Variants in MSH6 observed in about 807,000 individuals in gnomAD.
MSH6 encodes DNA mismatch repair protein Msh6.
In MSH6, 85 loss-of-function variants were observed where a neutral mutation model predicts 119.1. The ratio of observed to expected loss-of-function variants is 0.71; its 90% CI spans 0.60 to 0.85. MSH6 has a LOEUF of 0.85. Among genes scored for constraint, MSH6 ranks in the 40% least tolerant of loss-of-function variants. The probability of loss-of-function intolerance (pLI) is 0.00; values close to 1 mark genes in which losing one functional copy is unlikely to be tolerated. For synonymous variants in MSH6, 830 were observed against 586.9 expected, an observed-to-expected ratio of 1.41 and a Z score of -5.99; for missense variants, 2,163 against 1,655.3, an observed-to-expected ratio of 1.31 and a Z score of -5.32.
At chr2:47,788,024 A>C (rs557414598) in intron 1 of MSH6, among the ~76,000 whole-genome samples, 137 of 152,284 alleles carry the variant, frequency 9.0e-4, no homozygotes, top group Non-Finnish European at 1.7e-3. Context: ...AGTGAAGAAA[A>C]ATTTTGAGAA....
chr2:47,789,311 CAA>C (rs1668581681), intron 1 of MSH6: 3 of 381,122 alleles, frequency 7.9e-6, no homozygotes, highest in Non-Finnish European at 1.6e-5. Context: ...TGTTGAAAAA[CAA>C]AATTTTTTGT....
chr2:47,798,861 C>G lies in MSH6; in HGVS notation c.878C>G (p.Pro293Arg), dbSNP rs1553412308. Residue 293 changes from proline to arginine, a missense_variant, in exon 4 of 10, where the codon CCT (proline) becomes CGT (arginine). By Grantham distance (103) the Pro-to-Arg change is moderately radical. Coordinates refer to ENST00000234420, the MANE Select transcript of MSH6 (RefSeq NM_000179.3). ...GDSESEGLNS[P>R]VKVARKRKRM... is the part of the protein sequence containing the mutation. ...AGTGAGAGTGAAGGCCTGAACAGCC[C>G]TGTCAAAGTTGCTCGAAAGCGGAAG... 6.2e-7 allele frequency: 1 copy of G among 1,614,132 alleles called. No individual in the cohort carries two copies. The highest frequency in any genetic ancestry group is 1.1e-5 in the South Asian group (1 of 91,086).
chr2:47,792,468 A>G (rs1308852299), intron 2 of MSH6, among the ~76,000 whole-genome samples: 4 of 152,226 alleles, frequency 2.6e-5, no homozygotes, highest in Non-Finnish European at 2.9e-5. Context: ...TCTTCTACCA[A>G]CTTGCCACAT....
At position 47,805,693 on chromosome 2, in the gene MSH6, T is replaced by C. The variant is rs864622041; in HGVS notation, c.3632T>C (p.Leu1211Pro). The C allele has an allele frequency of 6.2e-7, 1 of 1,610,938 alleles. No individual in the cohort carries two copies. The highest frequency in any genetic ancestry group is 8.5e-7 in the Non-Finnish European group (1 of 1,177,350). The stretch of plus-strand genomic sequence containing the variant: ...CATGCAACAGCACATTCTCTGGTGC[T>C]TGTGGATGAATTAGGTAAGACATTA... ...LMHATAHSLV[L>P]VDELGRGTAT... Residue 1211 changes from leucine to proline, a missense_variant, in exon 7 of 10, where the codon CTT (leucine) becomes CCT (proline). Transcript: ENST00000234420.
chr2:47,783,585 G>T, intron 1 of MSH6, 92 bp downstream of exon 1: 1 of 1,286,534 alleles, frequency 7.8e-7, no homozygotes, highest in Non-Finnish European at 1.0e-6. Flanking sequence ...GGTTGGGGGG[G>T]TGCACGGCCT....
In MSH6 at chr2:47,795,914, C is replaced by T. The variant is rs1114167692; in HGVS notation, c.478C>T (p.Gln160Ter). ...PYTGSKSKEA[Q>*]KGGHFYSAKP... ...TCTAGGTTCAAAATCAAAGGAAGCC[C>T]AGAAGGGAGGTCATTTTTACAGTGC... Residue 160 changes from glutamine (Q) to a stop codon, truncating the protein, a stop_gained, in exon 3 of 10, where the codon CAG becomes TAG. Transcript: ENST00000234420. LOFTEE classifies it high-confidence loss of function. The T allele has an allele frequency of 6.2e-7, 1 of 1,614,008 alleles. No individual in the cohort carries two copies.
chr2:47,793,344 A>T (rs1403872781), intron 2 of MSH6, among the ~76,000 whole-genome samples: 1 of 146,586 alleles, frequency 6.8e-6, no homozygotes, highest in Admixed American at 6.8e-5. Context: ...AAAAAAAAAA[A>T]AAAGGCTGGG....
Position 47,800,137 on chromosome 2 carries a change from C to A in MSH6, c.2154C>A (p.Ser718Arg), listed in dbSNP as rs771662801. 1 of 1,614,124 alleles carries A rather than the reference C, an allele frequency of 6.2e-7. No homozygotes were observed. The change falls in exon 4 of 10, where the codon AGC becomes AGA. Residue 718 changes from serine to arginine, a missense_variant. Physicochemically the swap from Ser to Arg is moderately radical, Grantham distance 110. Coordinates refer to ENST00000234420, the MANE Select transcript of MSH6 (RefSeq NM_000179.3). ...TTCCCTTGGATTCTGACACAGTCAG[C>A]ACTACAAGATCTGGTGCTATCTTCA... is the stretch of plus-strand genomic sequence containing the variant. ...EYIPLDSDTV[S>R]TTRSGAIFTK...
chr2:47,791,275 G>A, intron 2 of MSH6, 152 bp downstream of exon 2: 1 of 713,156 alleles, frequency 1.4e-6, no homozygotes, highest in Non-Finnish European at 2.4e-6. Flanking sequence ...AAAGCTTCTG[G>A]CATGGGAAAG....
At chr2:47,791,332 T>C (rs562408491) in intron 2 of MSH6, among the ~76,000 whole-genome samples, 18 of 152,334 alleles carry the variant, frequency 1.2e-4, no homozygotes, top group African/African-American at 3.8e-4. Flanking sequence ...AATGGAATTT[T>C]TATTTCTGTC....
chr2:47,806,771 A>AAACTTTTTTTTTTTT lies in MSH6; in HGVS notation c.4002-8_4002-7insAACTTTTTTTTTTTT, dbSNP rs1553333915. ...AAAAACTTTTTTTTTTTTTTTTTTA[A>AAACTTTTTTTTTTTT]TTTTAAGGGAAGTTTGCCTGGCTAG... On this transcript the variant is annotated splice_region_variant and splice_polypyrimidine_tract_variant and intron_variant, in intron 9 of 9. Coordinates refer to ENST00000234420, the MANE Select transcript of MSH6 (RefSeq NM_000179.3). 1 of 1,514,318 alleles carries AAACTTTTTTTTTTTT rather than the reference A, an allele frequency of 6.6e-7. No individual in the cohort carries two copies. Among genetic ancestry groups the AAACTTTTTTTTTTTT allele is most frequent in the Non-Finnish European group, 8.8e-7 (1 of 1,130,100 alleles). 93.8% of individuals were successfully genotyped at this position (1,514,318 alleles called of 1,614,324 possible).
intron 1 of MSH6, chr2:47,784,219 G>A: frequency 1.0e-6 from 1 of 1,003,202 alleles, no homozygotes; most frequent in Non-Finnish European, 1.2e-6. Flanking sequence ...CGAAGTGCTG[G>A]GATCCGGCTG....
At position 47,805,047 on chromosome 2, in the gene MSH6, C is replaced by T. The variant is rs750274526; in HGVS notation, c.3556+20C>T. 6.7e-7 allele frequency: 1 copy of T among 1,498,256 alleles called. No individual in the cohort carries two copies. Among genetic ancestry groups the T allele is most frequent in the Non-Finnish European group, 9.3e-7 (1 of 1,074,134 alleles). 92.8% of individuals were successfully genotyped at this position (1,498,256 alleles called of 1,614,324 possible). On this transcript the variant is annotated intron_variant, in intron 6 of 9. Coordinates refer to ENST00000234420, the MANE Select transcript of MSH6 (RefSeq NM_000179.3). Reference sequence around the variant, plus strand: ...TGTCAGGTGAGTTTTTTGTTTCCCACTTAAGTTCTCATTCAGTCATTTAGA... The same window carrying T: ...TGTCAGGTGAGTTTTTTGTTTCCCATTTAAGTTCTCATTCAGTCATTTAGA...
chr2:47,802,591 C>G (rs954532773), intron 4 of MSH6, among the ~76,000 whole-genome samples: 1 of 150,406 alleles, frequency 6.6e-6, no homozygotes, highest in Non-Finnish European at 1.5e-5. Flanking sequence ...CCTTGATCTC[C>G]GAAAGAGCTG....
chr2:47,783,837 T>G (rs1001197893), intron 1 of MSH6: 6 of 589,626 alleles, frequency 1.0e-5, no homozygotes, highest in Non-Finnish European at 9.6e-6. Context: ...GGAGGGGGCC[T>G]GGGAGGTGGG....
rs761724581 is a variant in MSH6 at position 47,803,501 on chromosome 2, C to T, written c.3254C>T (p.Thr1085Ile). The T allele has an allele frequency of 3.7e-6, 6 of 1,605,132 alleles. No individual in the cohort carries two copies. Among genetic ancestry groups the T allele is most frequent in the South Asian group, 2.2e-5 (2 of 90,862 alleles). The change falls in exon 5 of 10, where the codon ACC becomes ATC. Residue 1085 changes from threonine (T) to isoleucine (I), a missense_variant. By Grantham distance (89) the Thr-to-Ile change is moderately conservative. Coordinates refer to ENST00000234420, the MANE Select transcript of MSH6 (RefSeq NM_000179.3). ...CRPVILLPEDTPPFLELKGSR... is the reference protein window; with the variant it reads ...CRPVILLPEDIPPFLELKGSR... ...CCAGTAATTCTGTTGCCGGAAGATA[C>T]CCCCCCCTTCTTAGAGCTTAAAGGA... is the stretch of plus-strand genomic sequence containing the variant.
At chr2:47,788,551 CCTTTTT>C (rs1160353451) in intron 1 of MSH6, among the ~76,000 whole-genome samples, 33 of 145,840 alleles carry the variant, frequency 2.3e-4, no homozygotes, top group East Asian at 2.0e-3. Context: ...CCGTGCCCAG[CCTTTTT>C]CTTTTTCTTT....
intron 1 of MSH6, chr2:47,785,125 T>G (rs1191108893): frequency 6.7e-6 from 1 of 148,388 alleles, no homozygotes; most frequent in African/African-American, 2.5e-5. Context: ...CCCGGCCGTT[T>G]GTCAGATACT....
chr2:47,801,538 T>G (rs1669598726), intron 4 of MSH6, among the ~76,000 whole-genome samples: 1 of 151,972 alleles, frequency 6.6e-6, no homozygotes, highest in Admixed American at 6.6e-5. Context: ...TGGCTAATAT[T>G]TAAATGTTTG....
Sources: gnomAD v4.1 joint callset for allele counts (sites outside exome capture counted in the v4.1 genomes callset) on GRCh38, gnomAD v4.1.1 for gene constraint, MANE v1.5 for transcripts, NCBI Gene and HGNC (gene_info 2026-07-23, HGNC 2026-07-21) for gene names.